The following KNL1 variants were observed in gnomAD, a reference collection of about 807,000 sequenced individuals.
KNL1 encodes kinetochore scaffold 1.
A neutral mutation model predicts 201.3 loss-of-function variants in KNL1; 66 were observed. The ratio of observed to expected loss-of-function variants is 0.33; its 90% confidence interval spans 0.27 to 0.40. The LOEUF (loss-of-function observed/expected upper bound fraction) is 0.40. Among genes scored for constraint, KNL1 ranks in the 10% least tolerant of loss-of-function variants. The pLI is 1.00. For synonymous variants in KNL1, 895 were observed against 899.2 expected, an observed-to-expected ratio of 1.00 and a Z score of 0.08; for missense variants, 2,815 against 2,690.5, an observed-to-expected ratio of 1.05 and a Z score of -1.02.
At chr15:40,635,173 C>T (rs1893019295) in intron 13 of KNL1, among the ~76,000 whole-genome samples, 1 of 151,734 alleles carries the variant, frequency 6.6e-6, no homozygotes, top group Non-Finnish European at 1.5e-5. Flanking sequence ...CTCAGCCTCC[C>T]GAGTAGCTGG....
chr15:40,655,135 T>C (rs1212137960), intron 22 of KNL1, among the ~76,000 whole-genome samples, 158 bp downstream of exon 22: 1 of 149,220 alleles, frequency 6.7e-6, no homozygotes, highest in Non-Finnish European at 1.5e-5. Context: ...CCGTCTCTGC[T>C]AAAAATACAA....
intron 13 of KNL1, among the ~76,000 whole-genome samples, chr15:40,634,633 C>T (rs1214437259): frequency 6.6e-6 from 1 of 152,088 alleles, no homozygotes; most frequent in Non-Finnish European, 1.5e-5. Flanking sequence ...CTTGCCTCAG[C>T]TATAGATAGG....
intron 13 of KNL1, among the ~76,000 whole-genome samples, chr15:40,631,202 C>A (rs2141734196): frequency 6.6e-6 from 1 of 152,056 alleles, no homozygotes; most frequent in Middle Eastern, 3.4e-3. Flanking sequence ...TGAGACTATC[C>A]CCTCTTCCTG....
Position 40,622,564 on chromosome 15 carries a change from G to A in KNL1, c.2300G>A (p.Ser767Asn), listed in dbSNP as rs200667153. The A allele has an allele frequency of 1.9e-6, 3 of 1,613,582 alleles. No individual in the cohort carries two copies. In the African/African-American group the frequency reaches 4.0e-5, roughly 22 times the overall value. The stretch of plus-strand genomic sequence containing the variant: ...GAGCAAAATATGGATCTAACAAAGA[G>A]CCACACTGTCGTCATTGGATTTGGT... ...EEEQNMDLTKSHTVVIGFGPS... is the reference protein window; with the variant it reads ...EEEQNMDLTKNHTVVIGFGPS... The change falls in exon 10 of 26, where the codon AGC becomes AAC. Residue 767 changes from serine to asparagine, a missense_variant. By Grantham distance (46) the Ser-to-Asn change is conservative. Coordinates refer to ENST00000399668, the MANE Select transcript of KNL1 (RefSeq NM_144508.5).
At chr15:40,644,926 C>T in intron 14 of KNL1, 71 bp from the exon 15 acceptor site, 1 of 927,148 alleles carries the variant, frequency 1.1e-6, no homozygotes, top group Non-Finnish European at 1.7e-6. Flanking sequence ...TCTTTCCTTT[C>T]TACATAGACA....
In KNL1 at chr15:40,617,519, C is replaced by G. The variant is rs187261025; in HGVS notation, c.323-1440C>G. 4.3e-4 allele frequency among the ~76,000 whole-genome samples: 66 copies of G among 152,226 alleles called. 1 individual carries two copies. In the East Asian group the frequency reaches 0.01, roughly 24 times the overall value. On this transcript the variant is annotated intron_variant, in intron 8 of 25. Transcript: ENST00000399668. Reference sequence around the variant, plus strand: ...TTTATGTTTGCCGCCAGCTCCTTATCTCGTTATGAATAGGTAACAAGCAGT... The same window carrying G: ...TTTATGTTTGCCGCCAGCTCCTTATGTCGTTATGAATAGGTAACAAGCAGT...
chr15:40,599,293 A>C (rs971781386), intron 1 of KNL1, among the ~76,000 whole-genome samples: 3 of 148,306 alleles, frequency 2.0e-5, no homozygotes, highest in East Asian at 2.0e-4. Flanking sequence ...AGCCTGGGTC[A>C]CAGAGCAAGA....
In KNL1 at chr15:40,625,255, G is replaced by A. The variant is rs1448972208; in HGVS notation, c.4991G>A (p.Ser1664Asn). 6.2e-6 allele frequency: 10 copies of A among 1,613,924 alleles called. No individual in the cohort carries two copies. The highest frequency in any genetic ancestry group is 7.6e-6 in the Non-Finnish European group (9 of 1,179,964). Residue 1664 changes from serine (S) to asparagine (N), a missense_variant, in exon 10 of 26, where the codon AGT becomes AAT. Ser to Asn is a conservative substitution (Grantham distance 46). Transcript: ENST00000399668. ...AGATTGCCCAACAAGAGAAATTGTA[G>A]TGTCACTGGTATTGATGACCTGGAA... ...LPRLPNKRNC[S>N]VTGIDDLEQI...
rs371517353 is a variant in KNL1, at chr15:40,622,002, A to G, written c.1738A>G (p.Ser580Gly). 57 of 1,613,952 alleles carry G rather than the reference A, an allele frequency of 3.5e-5. No individual in the cohort carries two copies. Among genetic ancestry groups the G allele is most frequent in the South Asian group, 7.7e-5 (7 of 91,080 alleles). ...TATGGATTTGACTGAAAGTCACACAAGTAACTTAGGAAGTCAGGTTCCTCT... is the reference window on the plus strand; with the variant it reads ...TATGGATTTGACTGAAAGTCACACAGGTAACTTAGGAAGTCAGGTTCCTCT... ...ENMDLTESHT[S>G]NLGSQVPLAA... Residue 580 changes from serine (S) to glycine (G), a missense_variant, in exon 10 of 26, where the codon AGT becomes GGT. This residue lies in a region of KNL1 where 2,464 missense variants were observed against 2,291.7 expected (regional missense o/e 1.08). Coordinates refer to ENST00000399668, the MANE Select transcript of KNL1 (RefSeq NM_144508.5).
Position 40,620,878 on chromosome 15 carries a change from A to G in KNL1, c.614A>G (p.Gln205Arg). ...MKKEVNFSVD[Q>R]NTSSENKIDF... ...AAAGAAGTAAATTTTTCCGTGGATC[A>G]AAACACTTCTTCAGAAAATAAAATA... Residue 205 changes from glutamine (Q) to arginine (R), a missense_variant, in exon 10 of 26, where the codon CAA becomes CGA. Physicochemically the swap from Gln to Arg is conservative, Grantham distance 43. Transcript: ENST00000399668. 1.9e-6 allele frequency: 3 copies of G among 1,597,718 alleles called. No individual in the cohort carries two copies. Among genetic ancestry groups the G allele is most frequent in the Non-Finnish European group, 2.6e-6 (3 of 1,175,098 alleles).
chr15:40,611,098 A>T lies in KNL1; in HGVS notation c.251-380A>T, dbSNP rs535772914. On this transcript the variant is annotated intron_variant, in intron 6 of 25. Coordinates refer to ENST00000399668, the MANE Select transcript of KNL1 (RefSeq NM_144508.5). ...AATGTCCTTAAGTAATTTTTTAAAA[A>T]TTTTATTGTATTTTTTTTTTTTTTG... Among the ~76,000 whole-genome samples, 4 of 106,876 alleles carry T rather than the reference A, an allele frequency of 3.7e-5. No homozygotes were observed. In the East Asian group the frequency reaches 8.2e-4, roughly 22 times the overall value. The allele number at this position is 106,876 out of a possible 152,430, so 70.1% of individuals were successfully genotyped here.
intron 7 of KNL1, among the ~76,000 whole-genome samples, chr15:40,612,384 CAGGAGGCCAAGGCACGAGAATCGCTTGA>C (rs757600598): frequency 6.6e-5 from 10 of 151,514 alleles, no homozygotes; most frequent in Non-Finnish European, 1.3e-4. Context: ...CCCAGCTACT[CAGGAGGCCAAGGCACGAGAATCGCTTGA>C]ACCCGGGAGG....
In KNL1 at chr15:40,622,342, A is replaced by T. The variant is rs1892566739; in HGVS notation, c.2078A>T (p.Gln693Leu). 1.2e-6 allele frequency: 2 copies of T among 1,613,998 alleles called. No individual in the cohort carries two copies. Among genetic ancestry groups the T allele is most frequent in the African/African-American group, 2.7e-5 (2 of 75,070 alleles). Reference sequence around the variant, plus strand: ...AATAGAAATACAGTATCATGGGAACAATCTTTGTTTTCTACCACAAAGCCA... The same window carrying T: ...AATAGAAATACAGTATCATGGGAACTATCTTTGTTTTCTACCACAAAGCCA... ...ITNRNTVSWE[Q>L]SLFSTTKPLF... The change falls in exon 10 of 26, where the codon CAA (glutamine) becomes CTA (leucine). Residue 693 changes from glutamine (Q) to leucine (L), a missense_variant. Physicochemically the swap from Gln to Leu is moderately radical, Grantham distance 113. This residue lies in a region of KNL1 where 2,464 missense variants were observed against 2,291.7 expected (regional missense o/e 1.08). Transcript: ENST00000399668.
chr15:40,659,500 TC>T, intron 25 of KNL1, 39 bp downstream of exon 25: 1 of 1,577,694 alleles, frequency 6.3e-7, no homozygotes, highest in Non-Finnish European at 8.6e-7. Context: ...CTGGGCTACT[TC>T]TTTTTTTTTG....
rs1254430415 is a variant in KNL1, at chr15:40,623,798, C to T, written c.3534C>T (p.Ala1178=). ...DSHTVFIDCQ[A]TEKILEENPK... ...ATACTGTTTTCATTGACTGTCAAGC[C>T]ACAGAGAAAATACTTGAAGAAAACC... Residue 1178 remains alanine (A), a synonymous_variant, in exon 10 of 26, where the codon GCC becomes GCT. Transcript: ENST00000399668. The T allele has an allele frequency of 1.9e-6, 3 of 1,613,530 alleles. No homozygotes were observed. The highest frequency in any genetic ancestry group is 2.2e-5 in the South Asian group (2 of 91,054).
Position 40,621,638 on chromosome 15 carries a change from T to G in KNL1, c.1374T>G (p.Asn458Lys). Residue 458 changes from asparagine (N) to lysine (K), a missense_variant, in exon 10 of 26, where the codon AAT (asparagine) becomes AAG (lysine). This residue lies in a region of KNL1 where 2,464 missense variants were observed against 2,291.7 expected (regional missense o/e 1.08). Coordinates refer to ENST00000399668, the MANE Select transcript of KNL1 (RefSeq NM_144508.5). ...EEKNLLKHDS[N>K]YAKMYCNPDA... The stretch of plus-strand genomic sequence containing the variant: ...AAAATTTGCTAAAGCATGACAGTAA[T>G]TATGCTAAAATGTATTGCAATCCAG... The G allele has an allele frequency of 6.2e-7, 1 of 1,612,638 alleles. No homozygotes were observed. Among genetic ancestry groups the G allele is most frequent in the Admixed American group, 1.7e-5 (1 of 59,766 alleles).
intron 21 of KNL1, among the ~76,000 whole-genome samples, chr15:40,652,455 C>CTTTTT (rs35374662): frequency 8.3e-6 from 1 of 120,068 alleles, no homozygotes; most frequent in African/African-American, 3.0e-5. Context: ...GCTGGAGATT[C>CTTTTT]TTTTTTTTTT....
At position 40,625,812 on chromosome 15, in the gene KNL1, A is replaced by C. The variant is rs780121253; in HGVS notation, c.5376+172A>C. ...ATGTAGAACCTTCAGAAATTAATTG[A>C]CTAACAGCTAGACTTCAAAGCAATT... On this transcript the variant is annotated intron_variant, in intron 10 of 25. Transcript: ENST00000399668. The C allele has an allele frequency of 5.3e-5, 30 of 562,120 alleles. No homozygotes were observed. In the African/African-American group the frequency reaches 5.4e-4, roughly 10 times the overall value. 34.8% of individuals were successfully genotyped at this position (562,120 alleles called of 1,614,324 possible). A position where few individuals can be genotyped will look rare whatever the true frequency, so the allele number is the denominator to read the frequency against.
intron 10 of KNL1, among the ~76,000 whole-genome samples, 156 bp from the exon 11 acceptor site, chr15:40,627,914 G>A (rs895999838): frequency 2.0e-4 from 31 of 152,056 alleles, no homozygotes; most frequent in African/African-American, 7.5e-4. Flanking sequence ...CTAATTAAAG[G>A]CTTAAGATGT....
Sources: allele counts gnomAD v4.1 joint callset (sites outside exome capture counted in the v4.1 genomes callset), GRCh38; gene constraint gnomAD v4.1.1; regional missense constraint gnomAD v4.1.1; transcripts MANE v1.5; gene names NCBI Gene and HGNC (gene_info 2026-07-23, HGNC 2026-07-21).